AGBL4: variants seen among roughly 807,000 people sequenced by gnomAD.
AGBL4 encodes AGBL carboxypeptidase 4.
Under a neutral mutation model 66.4 loss-of-function variants are expected in AGBL4, and 58 were observed. That is an observed-to-expected ratio of 0.87 (90% confidence interval 0.71 to 1.09). AGBL4 has a LOEUF of 1.09. Ranked by LOEUF, AGBL4 falls within the 50% of genes least tolerant of loss-of-function variation. The probability of loss-of-function intolerance (pLI) is 0.00; values close to 1 mark genes in which losing one functional copy is unlikely to be tolerated. For synonymous variants in AGBL4, 234 were observed against 222.9 expected, an observed-to-expected ratio of 1.05 and a Z score of -0.44; for missense variants, 579 against 631.0, an observed-to-expected ratio of 0.92 and a Z score of 0.88.
chr1:49,355,617 A>G (rs971999054), intron 3 of AGBL4, among the ~76,000 whole-genome samples: 1 of 152,196 alleles, frequency 6.6e-6, no homozygotes, highest in Non-Finnish European at 1.5e-5. Flanking sequence ...TCCTTAGTAG[A>G]GCCTACAAGG....
At chr1:49,355,902 C>T (rs1477996399) in intron 3 of AGBL4, among the ~76,000 whole-genome samples, 1 of 152,076 alleles carries the variant, frequency 6.6e-6, no homozygotes, top group Non-Finnish European at 1.5e-5. Flanking sequence ...GTGATGAATT[C>T]GCCTTCCCAG....
chr1:48,615,210 A>G (rs1385703695), intron 9 of AGBL4, among the ~76,000 whole-genome samples: 1 of 152,198 alleles, frequency 6.6e-6, no homozygotes, highest in Non-Finnish European at 1.5e-5. Context: ...GTTTTAAGCA[A>G]AGGAATGTAG....
chr1:49,842,144 A>C, intron 2 of AGBL4: 1 of 375,370 alleles, frequency 2.7e-6, no homozygotes, highest in Non-Finnish European at 5.1e-6. Context: ...CTCTGAAAGG[A>C]CCACCCACAC....
rs772742661 is a variant in AGBL4, at chr1:49,606,443, A to G, written c.282+90870T>C. Among the ~76,000 whole-genome samples, 92 of 152,130 alleles carry G rather than the reference A, an allele frequency of 6.0e-4. 1 individual carries two copies. The highest frequency in any genetic ancestry group is 1.4e-3 in the Admixed American group (22 of 15,258). On this transcript the variant is annotated intron_variant, in intron 3 of 13. Transcript: ENST00000371839. ...GCTGCGATCTTATTTTTGACAGTCA[A>G]TGAGAATGTTTGATCTATATTTACA...
chr1:48,527,920 A>G (rs947171691), downstream of AGBL4, among the ~76,000 whole-genome samples: 2 of 152,146 alleles, frequency 1.3e-5, no homozygotes, highest in African/African-American at 4.8e-5. Flanking sequence ...GTCATGTTTT[A>G]TGGAGCTCCT....
At chr1:48,640,637 G>C (rs1399075345) in intron 8 of AGBL4, among the ~76,000 whole-genome samples, 3 of 152,188 alleles carry the variant, frequency 2.0e-5, no homozygotes, top group African/African-American at 7.2e-5. Context: ...CAATTAGTAA[G>C]ATATAGACCT....
At chr1:49,022,425 A>G (rs1042801905) in intron 5 of AGBL4, among the ~76,000 whole-genome samples, 13 of 152,140 alleles carry the variant, frequency 8.5e-5, no homozygotes, top group Non-Finnish European at 1.8e-4. Context: ...AGAGATATAA[A>G]TTAATAGATT....
At chr1:49,740,997 A>G (rs1225717144) in intron 2 of AGBL4, among the ~76,000 whole-genome samples, 1 of 152,202 alleles carries the variant, frequency 6.6e-6, no homozygotes, top group Non-Finnish European at 1.5e-5. Context: ...TAACTAGAGA[A>G]GCAAGAGAAA....
In AGBL4 at chr1:48,827,336, T is replaced by G. The variant is rs72681087; in HGVS notation, c.634+39855A>C. 6.2e-3 allele frequency among the ~76,000 whole-genome samples: 949 copies of G among 152,306 alleles called. 4 individuals are homozygous for G. Among genetic ancestry groups the G allele is most frequent in the Non-Finnish European group, 9.3e-3 (632 of 68,022 alleles). On this transcript the variant is annotated intron_variant, in intron 6 of 13. Transcript: ENST00000371839. ...AGTAATAGGGAAAGTAATTCTTATC[T>G]CTCACAAAATGGCATGGCAAGCACT...
chr1:49,603,969 CACACACACA>C (rs1558093711), intron 3 of AGBL4, among the ~76,000 whole-genome samples: 2 of 147,944 alleles, frequency 1.4e-5, no homozygotes, highest in African/African-American at 5.2e-5. Context: ...CACACACACA[CACACACACA>C]CACCACATTT....
intron 3 of AGBL4, among the ~76,000 whole-genome samples, chr1:49,619,373 C>T (rs1645312174): frequency 6.6e-6 from 1 of 152,008 alleles, no homozygotes; most frequent in South Asian, 2.1e-4. Context: ...TTCACAATTG[C>T]TACAAAGAGA....
chr1:49,133,120 C>T (rs746496666), intron 4 of AGBL4, among the ~76,000 whole-genome samples: 24 of 152,134 alleles, frequency 1.6e-4, no homozygotes, highest in African/African-American at 4.3e-4. Context: ...CCATCATTCT[C>T]GGCAAACTAA....
chr1:48,803,476 A>AAAT (rs1209281187), intron 6 of AGBL4, among the ~76,000 whole-genome samples: 1 of 152,214 alleles, frequency 6.6e-6, no homozygotes, highest in Non-Finnish European at 1.5e-5. Flanking sequence ...GAAAGCTATC[A>AAAT]AATGCATTTT....
chr1:49,803,657 T>C (rs878876305), intron 2 of AGBL4, among the ~76,000 whole-genome samples: 1 of 152,174 alleles, frequency 6.6e-6, no homozygotes, highest in Non-Finnish European at 1.5e-5. Flanking sequence ...ATACTAATGA[T>C]GATTCTGATA....
chr1:48,998,566 C>G (rs1009394630), intron 5 of AGBL4, among the ~76,000 whole-genome samples: 14 of 152,210 alleles, frequency 9.2e-5, no homozygotes, highest in African/African-American at 3.4e-4. Flanking sequence ...CAGGCCTAAG[C>G]TTTAAGGCAG....
chr1:49,034,825 T>G (rs1664511322), intron 5 of AGBL4, among the ~76,000 whole-genome samples: 1 of 152,098 alleles, frequency 6.6e-6, no homozygotes, highest in Non-Finnish European at 1.5e-5. Flanking sequence ...GTGAGTCAAT[T>G]AAACCTCTTT....
intron 5 of AGBL4, among the ~76,000 whole-genome samples, chr1:48,893,171 G>C (rs555895185): frequency 1.3e-5 from 2 of 152,116 alleles, no homozygotes. Context: ...TGTACCAATG[G>C]GTGGTTTGGA....
In AGBL4 at chr1:49,617,805, A is replaced by T. The variant is rs577939798; in HGVS notation, c.282+79508T>A. On this transcript the variant is annotated intron_variant, in intron 3 of 13. Coordinates refer to ENST00000371839, the MANE Select transcript of AGBL4 (RefSeq NM_032785.4). The stretch of plus-strand genomic sequence containing the variant: ...TATCGGTATACAATTTTTGCTAAAT[A>T]ATAGACAGTCCAGTTTGACAGACCA... Among the ~76,000 whole-genome samples, 9 of 152,316 alleles carry T rather than the reference A, an allele frequency of 5.9e-5. No homozygotes were observed. In the East Asian group the frequency reaches 1.7e-3, roughly 29 times the overall value.
chr1:48,631,796 G>A (rs1645598120), intron 9 of AGBL4, among the ~76,000 whole-genome samples: 1 of 152,160 alleles, frequency 6.6e-6, no homozygotes, highest in Non-Finnish European at 1.5e-5. Context: ...AGGACAGTAG[G>A]TATAAACCAG....
Sources: gnomAD v4.1 joint callset for allele counts (sites outside exome capture counted in the v4.1 genomes callset) on GRCh38, gnomAD v4.1.1 for gene constraint, MANE v1.5 for transcripts, NCBI Gene and HGNC (gene_info 2026-07-23, HGNC 2026-07-21) for gene names.